BPI: variants seen among roughly 807,000 people sequenced by gnomAD.
BPI encodes the protein bactericidal permeability increasing protein.
BPI carries 48 observed loss-of-function variants against 57.6 expected under a neutral mutation model. The observed-to-expected ratio is 0.83, with a 90% CI of 0.66 to 1.06. BPI has a LOEUF of 1.06. Ranked by LOEUF, BPI falls within the 50% of genes least tolerant of loss-of-function variation. BPI has a pLI of 0.00. For synonymous variants in BPI, 237 were observed against 238.2 expected (o/e 0.99, Z 0.05); for missense variants, 651 against 609.7 (o/e 1.07, Z -0.71).
chr20:38,310,374 G>C, intron 3 of BPI, 117 bp from the exon 4 acceptor site: 1 of 1,255,310 alleles, frequency 8.0e-7, no homozygotes, highest in South Asian at 1.4e-5. Context: ...CTCTCTGAAC[G>C]TACCTCCTCA....
rs372601443 is a variant in BPI, at chr20:38,335,613, G to T, written c.1352G>T (p.Gly451Val). ...TCTGTCACAGAGAAACTACAGAAAG[G>T]CTTCCCTCTCCCGACGCCGGCCAGA... The part of the protein sequence containing the change: ...LPRVNEKLQK[G>V]FPLPTPARVQ... Residue 451 changes from glycine to valine, a missense_variant, in exon 14 of 15, where the codon GGC (glycine) becomes GTC (valine). Physicochemically the swap from Gly to Val is moderately radical, Grantham distance 109. Transcript: ENST00000642449. 6.2e-7 allele frequency: 1 copy of T among 1,614,052 alleles called. No homozygotes were observed. Among genetic ancestry groups the T allele is most frequent in the South Asian group, 1.1e-5 (1 of 91,072 alleles).
chr20:38,312,276 C>A (rs943914939), intron 5 of BPI, among the ~76,000 whole-genome samples: 2 of 152,306 alleles, frequency 1.3e-5, no homozygotes, highest in Admixed American at 1.3e-4. Context: ...CCTCCCTCCA[C>A]CCCACCCACC....
chr20:38,317,892 T>G, intron 5 of BPI: 1 of 985,170 alleles, frequency 1.0e-6, no homozygotes, highest in East Asian at 1.1e-4. Flanking sequence ...ACAGGGGGAT[T>G]GGGGTGGAGT....
In BPI at chr20:38,337,454, A is replaced by G; in HGVS notation, c.*270A>G. On this transcript the variant is annotated 3_prime_UTR_variant, in exon 15 of 15. Coordinates refer to ENST00000642449, the MANE Select transcript of BPI (RefSeq NM_001725.3). ...GAATCGTGTTTCAATTGTAACCAAGAAATTTCCATTTGTGCTTCATGAAAA... is the reference window on the plus strand; with the variant it reads ...GAATCGTGTTTCAATTGTAACCAAGGAATTTCCATTTGTGCTTCATGAAAA... The G allele has an allele frequency of 8.3e-6, 3 of 361,434 alleles. No individual in the cohort carries two copies. 22.4% of individuals were successfully genotyped at this position (361,434 alleles called of 1,614,324 possible). A position where few individuals can be genotyped will look rare whatever the true frequency, so the allele number is the denominator to read the frequency against.
chr20:38,307,048 A>T (rs1001530023), intron 1 of BPI, among the ~76,000 whole-genome samples: 1 of 152,102 alleles, frequency 6.6e-6, no homozygotes, highest in Non-Finnish European at 1.5e-5. Flanking sequence ...ATTTTTAAAA[A>T]GTTAGCCTGG....
At chr20:38,306,498 A>T (rs762574651) in intron 1 of BPI, among the ~76,000 whole-genome samples, 2 of 152,226 alleles carry the variant, frequency 1.3e-5, no homozygotes, top group Admixed American at 6.5e-5. Context: ...TACAAATGGT[A>T]ACAGGGGCTC....
intron 10 of BPI, 196 bp downstream of exon 10, chr20:38,326,628 G>T (rs934156015): frequency 3.5e-5 from 19 of 543,866 alleles, no homozygotes; most frequent in Non-Finnish European, 5.8e-5. Flanking sequence ...TCACTAGTGC[G>T]TTTGTTTACT....
At chr20:38,321,985 TAC>T (rs2076688572) in intron 7 of BPI, among the ~76,000 whole-genome samples, 1 of 152,238 alleles carries the variant, frequency 6.6e-6, no homozygotes, top group Non-Finnish European at 1.5e-5. Context: ...GACAACAAAA[TAC>T]ACACAGACAT....
intron 5 of BPI, chr20:38,317,676 C>T (rs1600703925): frequency 2.5e-6 from 2 of 797,788 alleles, no homozygotes; most frequent in East Asian, 2.7e-5. Context: ...AGTTCACAGA[C>T]TCCATCTCTT....
chr20:38,337,293 T>A lies in BPI; in HGVS notation c.*109T>A. 1 of 931,524 alleles carries A rather than the reference T, an allele frequency of 1.1e-6. No individual in the cohort carries two copies. The highest frequency in any genetic ancestry group is 1.6e-6 in the Non-Finnish European group (1 of 618,236). 57.7% of individuals were successfully genotyped at this position (931,524 alleles called of 1,614,324 possible). On this transcript the variant is annotated 3_prime_UTR_variant, in exon 15 of 15. Coordinates refer to ENST00000642449, the MANE Select transcript of BPI (RefSeq NM_001725.3). ...TCTCCAGATCTTAACCAAGAGCCCC[T>A]TGCAAACTTCTTCGACTCAGATTCA... is the stretch of plus-strand genomic sequence containing the variant.
chr20:38,327,443 T>G, intron 10 of BPI, 145 bp from the exon 11 acceptor site: 1 of 757,184 alleles, frequency 1.3e-6, no homozygotes, highest in Non-Finnish European at 2.2e-6. Flanking sequence ...AAGGGAAGTC[T>G]CCCCACTCCT....
intron 1 of BPI, among the ~76,000 whole-genome samples, chr20:38,305,036 C>T (rs183271259): frequency 5.3e-5 from 8 of 152,360 alleles, no homozygotes; most frequent in Non-Finnish European, 7.3e-5. Context: ...TGCCCCAGCA[C>T]GGGGTTGCTC....
Position 38,336,504 on chromosome 20 carries a change from C to T in BPI, c.1414-642C>T, listed in dbSNP as rs150586654. Among the ~76,000 whole-genome samples, 226 of 151,746 alleles carry T rather than the reference C, an allele frequency of 1.5e-3. 1 individual carries two copies. The highest frequency in any genetic ancestry group is 2.6e-3 in the Non-Finnish European group (178 of 68,018). On this transcript the variant is annotated intron_variant, in intron 14 of 14. Coordinates refer to ENST00000642449, the MANE Select transcript of BPI (RefSeq NM_001725.3). ...GTCACCTCCGCAGCGAAACCGTCAC[C>T]CAGCTTGCATTTCTCACCTTGGTCA...
At chr20:38,318,692 TC>T (rs1352939118) in intron 6 of BPI, among the ~76,000 whole-genome samples, 1 of 152,122 alleles carries the variant, frequency 6.6e-6, no homozygotes, top group Non-Finnish European at 1.5e-5. Flanking sequence ...CCATACTACC[TC>T]ATTCCCTCAG....
At chr20:38,306,885 G>GC (rs2076599145) in intron 1 of BPI, among the ~76,000 whole-genome samples, 4 of 151,646 alleles carry the variant, frequency 2.6e-5, no homozygotes, top group Admixed American at 1.3e-4. Flanking sequence ...TTAAATGATG[G>GC]GAAAAAAATC....
intron 13 of BPI, 124 bp downstream of exon 13, chr20:38,334,617 C>G: frequency 2.2e-6 from 2 of 927,510 alleles, no homozygotes; most frequent in Non-Finnish European, 3.5e-6. Flanking sequence ...GTCAAGTGAA[C>G]TTCAAATGGC....
chr20:38,335,520 C>G (rs2076763033), intron 13 of BPI, 78 bp from the exon 14 acceptor site: 2 of 1,348,004 alleles, frequency 1.5e-6, no homozygotes, highest in Admixed American at 1.7e-5. Context: ...GGCTGTCTAC[C>G]CAGGCTCTCT....
chr20:38,308,893 T>C, intron 2 of BPI, 37 bp from the exon 3 acceptor site: 1 of 1,613,070 alleles, frequency 6.2e-7, no homozygotes, highest in South Asian at 1.1e-5. Context: ...CCTAGGAGTA[T>C]ATGAAATTAT....
intron 5 of BPI, among the ~76,000 whole-genome samples, chr20:38,313,404 A>G (rs1161895273): frequency 1.9e-5 from 2 of 105,394 alleles, no homozygotes; most frequent in Non-Finnish European, 4.1e-5. Flanking sequence ...AAAAAAAAAA[A>G]AAAAAAAAAG....
Sources: gnomAD v4.1 joint callset for allele counts (sites outside exome capture counted in the v4.1 genomes callset) on GRCh38, gnomAD v4.1.1 for gene constraint, MANE v1.5 for transcripts, NCBI Gene and HGNC (gene_info 2026-07-23, HGNC 2026-07-21) for gene names.